SPTY2D1: variants seen among roughly 807,000 people sequenced by gnomAD.
SPTY2D1 encodes the protein SPT2 chromatin protein domain containing 1.
In SPTY2D1, 21 loss-of-function variants were observed where a neutral mutation model predicts 64.0. That is an observed-to-expected ratio of 0.33 (90% CI 0.23 to 0.47). The LOEUF (loss-of-function observed/expected upper bound fraction) is 0.47. Ranked by LOEUF, SPTY2D1 falls within the 20% of genes least tolerant of loss-of-function variation. The probability of loss-of-function intolerance (pLI) is 1.00; values close to 1 mark genes in which losing one functional copy is unlikely to be tolerated. For missense variants in SPTY2D1, 724 were observed against 837.2 expected (o/e 0.86, Z 1.67); for synonymous variants, 287 against 286.8 (o/e 1.00, Z -0.01).
intron 1 of SPTY2D1, among the ~76,000 whole-genome samples, chr11:18,619,242 T>C (rs896306500): frequency 2.0e-5 from 3 of 152,030 alleles, no homozygotes; most frequent in South Asian, 4.1e-4. Context: ...AAAAAACTCA[T>C]AAGCAGAGGC....
At chr11:18,610,686 A>AAAAAAAAAAAAAAAAAAAAACAAC (rs1554987436) in intron 5 of SPTY2D1, among the ~76,000 whole-genome samples, 2 of 147,188 alleles carry the variant, frequency 1.4e-5, no homozygotes, top group African/African-American at 5.1e-5. Context: ...AAAAAAAAAA[A>AAAAAAAAAAAAAAAAAAAAACAAC]AACAACAATA....
At chr11:18,630,884 C>T (rs1392883837) in intron 1 of SPTY2D1, among the ~76,000 whole-genome samples, 5 of 152,064 alleles carry the variant, frequency 3.3e-5, no homozygotes, top group Non-Finnish European at 5.9e-5. Context: ...TGCAGTGGCA[C>T]GATCTCCACT....
In SPTY2D1 at chr11:18,615,855, T is replaced by G; in HGVS notation, c.419A>C (p.Glu140Ala). The G allele has an allele frequency of 6.2e-7, 1 of 1,614,156 alleles. No homozygotes were observed. The highest frequency in any genetic ancestry group is 8.5e-7 in the Non-Finnish European group (1 of 1,180,032). Residue 140 changes from glutamate to alanine, a missense_variant, in exon 3 of 6, where the codon GAG (glutamate) becomes GCG (alanine). Around this residue, in one of 3 missense-constraint regions of SPTY2D1, gnomAD observed 179 missense variants for 232.5 expected, o/e 0.77. Transcript: ENST00000336349. ...EFLEYNHAES[E>A]QEYEEEQEPP... is the part of the protein sequence containing the mutation. ...TTCTTGCTCTTCCTCATACTCCTGCTCTGACTCTGCGTGATTGTACTCGAG... is the reference window on the plus strand; with the variant it reads ...TTCTTGCTCTTCCTCATACTCCTGCGCTGACTCTGCGTGATTGTACTCGAG...
chr11:18,618,502 A>G (rs767865013), intron 1 of SPTY2D1, among the ~76,000 whole-genome samples: 1 of 152,240 alleles, frequency 6.6e-6, no homozygotes, highest in Non-Finnish European at 1.5e-5. Context: ...ACATAGAGCT[A>G]AAATAAATTC....
Position 18,608,507 on chromosome 11 carries a change from T to G in SPTY2D1, c.*1354A>C, listed in dbSNP as rs1399471236. 2.6e-5 allele frequency: 4 copies of G among 152,192 alleles called. No individual in the cohort carries two copies. The highest frequency in any genetic ancestry group is 5.9e-5 in the Non-Finnish European group (4 of 68,050). 9.4% of individuals were successfully genotyped at this position (152,192 alleles called of 1,614,324 possible). A position where few individuals can be genotyped will look rare whatever the true frequency, so the allele number is the denominator to read the frequency against. On this transcript the variant is annotated 3_prime_UTR_variant, in exon 6 of 6. Coordinates refer to ENST00000336349, the MANE Select transcript of SPTY2D1 (RefSeq NM_194285.3). ...TAGCCAAAACGTTTATTGTAGAACG[T>G]TTATTATTCCTACAAGCTTATGTCT...
At chr11:18,613,651 A>G (rs1323567789) in intron 3 of SPTY2D1, among the ~76,000 whole-genome samples, 1 of 152,210 alleles carries the variant, frequency 6.6e-6, no homozygotes, top group Non-Finnish European at 1.5e-5. Context: ...TAGGAAATTT[A>G]AAACAAGTAA....
intron 3 of SPTY2D1, 44 bp downstream of exon 3, chr11:18,614,519 C>A: frequency 6.5e-7 from 1 of 1,542,026 alleles, no homozygotes; most frequent in South Asian, 1.2e-5. Context: ...TTTCCAATTT[C>A]CTAATGACAA....
intron 1 of SPTY2D1, among the ~76,000 whole-genome samples, chr11:18,622,241 T>C (rs117967328): frequency 3.9e-4 from 59 of 152,146 alleles, no homozygotes; most frequent in Admixed American, 2.9e-3. Context: ...TGGAAATATC[T>C]TTGAATGGCC....
rs750009518 is a variant in SPTY2D1 at position 18,615,924 on chromosome 11, T to G, written c.350A>C (p.Gln117Pro). Residue 117 changes from glutamine (Q) to proline (P), a missense_variant, in exon 3 of 6, where the codon CAA becomes CCA. By Grantham distance (76) the Gln-to-Pro change is moderately conservative. Transcript: ENST00000336349. ...CATTTCATACTCTCGGTCGGTTCCT[T>G]GGCTGGTATGGCTTTCTGTTGCCTG... ...KRQATESHTSQGTDREYEMEE... is the reference protein window; with the variant it reads ...KRQATESHTSPGTDREYEMEE... 1 of 1,614,214 alleles carries G rather than the reference T, an allele frequency of 6.2e-7. No homozygotes were observed. Among genetic ancestry groups the G allele is most frequent in the Non-Finnish European group, 8.5e-7 (1 of 1,180,028 alleles).
rs1854215427 is a variant in SPTY2D1 at position 18,612,083 on chromosome 11, A to G, written c.1886+231T>C. ...AAATATATATCTTATAAGAATAACA[A>G]TTTAAAAGGGTTATTTTTTGTTCCT... On this transcript the variant is annotated intron_variant, in intron 4 of 5. Transcript: ENST00000336349. This position sits in a 1 kb window ranked among gnomAD's most constrained non-coding sequence, Gnocchi z 4.6. 2.8e-6 allele frequency: 1 copy of G among 353,736 alleles called. No individual in the cohort carries two copies. Among genetic ancestry groups the G allele is most frequent in the East Asian group, 4.8e-5 (1 of 20,810 alleles). The allele number at this position is 353,736 out of a possible 1,614,324, so 21.9% of individuals were successfully genotyped here.
intron 1 of SPTY2D1, among the ~76,000 whole-genome samples, chr11:18,627,874 G>A (rs1049355610): frequency 4.3e-5 from 5 of 115,654 alleles, no homozygotes; most frequent in African/African-American, 7.6e-5. Context: ...GCAAGACTCC[G>A]TCTCAAAAAA....
intron 1 of SPTY2D1, among the ~76,000 whole-genome samples, chr11:18,627,773 G>A (rs1854521946): frequency 6.6e-6 from 1 of 152,176 alleles, no homozygotes; most frequent in African/African-American, 2.4e-5. Flanking sequence ...CAGCTACTCG[G>A]GAGGCTGAGG....
rs1469194614 is a variant in SPTY2D1, at chr11:18,615,962, C to A, written c.312G>T (p.Lys104Asn). ...TTTCTGTTGCCTGCCTCTTCTTTGA[C>A]TTTTCCTCAATAGGAATCCCATTGT... ...HGYNGIPIEE[K>N]SKKRQATESH... Residue 104 changes from lysine (K) to asparagine (N), a missense_variant, in exon 3 of 6, where the codon AAG becomes AAT. Physicochemically the swap from Lys to Asn is moderately conservative, Grantham distance 94. Transcript: ENST00000336349. 6.2e-7 allele frequency: 1 copy of A among 1,614,210 alleles called. No individual in the cohort carries two copies. Among genetic ancestry groups the A allele is most frequent in the East Asian group, 2.2e-5 (1 of 44,888 alleles).
In SPTY2D1 at chr11:18,614,259, TA is replaced by T. The variant is rs1854251005; in HGVS notation, c.1711+303del. ...GCAACATACTGAAACCCCATCTCTA[TA>T]AAAAATAAAAAGTTAGCCAGGCATG... On this transcript the variant is annotated intron_variant, in intron 3 of 5. Coordinates refer to ENST00000336349, the MANE Select transcript of SPTY2D1 (RefSeq NM_194285.3). Among the ~76,000 whole-genome samples, 3 of 151,960 alleles carry T rather than the reference TA, an allele frequency of 2.0e-5. No homozygotes were observed. In the South Asian group the frequency reaches 6.2e-4, roughly 32 times the overall value.
chr11:18,621,345 G>GAAAAGAAAAGAAAAGAAAAGAA (rs1565160984), intron 1 of SPTY2D1, among the ~76,000 whole-genome samples: 15 of 149,898 alleles, frequency 1.0e-4, no homozygotes, highest in African/African-American at 3.7e-4. Context: ...GAAAAGAAAA[G>GAAAAGAAAAGAAAAGAAAAGAA]AAAAGAAAAG....
rs549876009 is a variant in SPTY2D1 at position 18,606,559 on chromosome 11, A to G, written c.*3302T>C. The G allele has an allele frequency of 3.6e-4, 94 of 260,302 alleles. No homozygotes were observed. The highest frequency in any genetic ancestry group is 3.4e-3 in the South Asian group (91 of 27,082). 16.1% of individuals were successfully genotyped at this position (260,302 alleles called of 1,614,324 possible). On this transcript the variant is annotated 3_prime_UTR_variant, in exon 6 of 6. Coordinates refer to ENST00000336349, the MANE Select transcript of SPTY2D1 (RefSeq NM_194285.3). ...TTTAACTTGATTTGTCCATTGTGTA[A>G]AAGACAGGATGGATTTAATTACTCC...
chr11:18,610,811 A>C (rs895144834), intron 5 of SPTY2D1, among the ~76,000 whole-genome samples: 2 of 152,220 alleles, frequency 1.3e-5, no homozygotes, highest in Non-Finnish European at 2.9e-5. Flanking sequence ...TGAGGCCAGC[A>C]ATGTTACAGG....
rs1181820013 is a variant in SPTY2D1, at chr11:18,634,206, T to G, written c.52A>C (p.Asn18His). 1 of 1,614,182 alleles carries G rather than the reference T, an allele frequency of 6.2e-7. No homozygotes were observed. Among genetic ancestry groups the G allele is most frequent in the South Asian group, 1.1e-5 (1 of 91,088 alleles). The part of the protein sequence containing the change: ...MIASKGQGVN[N>H]VPKRYSLAVG... Reference sequence around the variant, plus strand: ...CCCCAGCTGCTACTTACCGGCACATTGTTGACACCTTGTCCCTTGGAAGCT... The same window carrying G: ...CCCCAGCTGCTACTTACCGGCACATGGTTGACACCTTGTCCCTTGGAAGCT... Residue 18 changes from asparagine (N) to histidine (H), a missense_variant, in exon 1 of 6, where the codon AAT becomes CAT. By Grantham distance (68) the Asn-to-His change is moderately conservative (BLOSUM62 1). Transcript: ENST00000336349.
intron 5 of SPTY2D1, chr11:18,610,242 A>G (rs562022925): frequency 3.3e-6 from 1 of 298,528 alleles, no homozygotes; most frequent in African/African-American, 2.2e-5. Flanking sequence ...AACAGCAAGA[A>G]GCATTTATTC....
Sources: gnomAD v4.1 joint callset for allele counts (sites outside exome capture counted in the v4.1 genomes callset) on GRCh38, gnomAD v4.1.1 for gene constraint, gnomAD v4.1.1 regional missense constraint, Gnocchi (gnomAD v3.1) non-coding constraint, MANE v1.5 for transcripts, NCBI Gene and HGNC (gene_info 2026-07-23, HGNC 2026-07-21) for gene names.